Variants in SAP18 observed in about 807,000 individuals in gnomAD.
SAP18 encodes histone deacetylase complex subunit SAP18.
Under a neutral mutation model 18.6 loss-of-function variants are expected in SAP18, and 4 were observed. The observed-to-expected ratio is 0.21, with a 90% CI of 0.11 to 0.49. The LOEUF (loss-of-function observed/expected upper bound fraction) is 0.49, where lower values mean the gene tolerates loss of function less well. Among genes scored for constraint, SAP18 ranks in the 20% least tolerant of loss-of-function variants. The pLI, the probability that SAP18 is intolerant of heterozygous loss-of-function variation, is 0.98. For missense variants in SAP18, 170 were observed against 226.4 expected (o/e 0.75, Z 1.60); for synonymous variants, 112 against 82.8 (o/e 1.35, Z -1.92).
At chr13:21,149,063 A>G (rs562160301) in exon 4 of SAP18, 1 of 152,312 alleles carries the variant, frequency 6.6e-6, no homozygotes, top group Non-Finnish European at 1.5e-5. Flanking sequence ...AATAGAAATA[A>G]ATAAGTAGTC....
chr13:21,140,480 C>T (rs1391136229), upstream of SAP18: 1 of 1,481,070 alleles, frequency 6.8e-7, no homozygotes, highest in African/African-American at 1.4e-5. Context: ...TGCGCCTGCG[C>T]CAGGAGACGC....
intron 2 of SAP18, among the ~76,000 whole-genome samples, chr13:21,146,059 C>T (rs2137340151): frequency 6.6e-6 from 1 of 152,270 alleles, no homozygotes; most frequent in East Asian, 1.9e-4. Flanking sequence ...AGAAACACAT[C>T]TGGCTGGGCG....
intron 2 of SAP18, chr13:21,141,288 T>G: frequency 2.2e-6 from 1 of 444,984 alleles, no homozygotes. Flanking sequence ...GGTAGATAAA[T>G]ATGTTGTAGT....
rs188317473 is a variant in SAP18 at position 21,146,695 on chromosome 13, T to C, written c.240-110T>C. ...TCTAGTATAAGACCCTGGCAGTTTC[T>C]AATGTAAATCACAACTCAGATATAT... On this transcript the variant is annotated intron_variant, in intron 2 of 3. Coordinates refer to ENST00000621421, the Ensembl canonical transcript of SAP18. The C allele has an allele frequency of 1.9e-4, 162 of 855,494 alleles. 1 individual carries two copies. The African/African-American group carries it at 2.5e-3, about 13-fold the overall frequency. The allele number at this position is 855,494 out of a possible 1,614,324, so 53.0% of individuals were successfully genotyped here. A position where few individuals can be genotyped will look rare whatever the true frequency, so the allele number is the denominator to read the frequency against.
At chr13:21,146,782 T>C (rs1472565791) in intron 2 of SAP18, 23 bp from the exon 3 acceptor site, 3 of 1,561,432 alleles carry the variant, frequency 1.9e-6, no homozygotes, top group African/African-American at 2.8e-5. Flanking sequence ...CAAATGTAAA[T>C]GTCTTTTTTA....
At chr13:21,140,927 C>T (rs1379437039) in exon 2 of SAP18, 2 of 1,613,976 alleles carry the variant, frequency 1.2e-6, no homozygotes, top group East Asian at 4.5e-5. Flanking sequence ...CCAATAACGG[C>T]CGCCACCACC....
At chr13:21,148,694 CTG>C (rs899638000) in exon 4 of SAP18, 127 of 149,942 alleles carry the variant, frequency 8.5e-4, no homozygotes, top group African/African-American at 3.0e-3. Context: ...ATTAGATAGA[CTG>C]GAGCCATAAA....
At position 21,146,630 on chromosome 13, in the gene SAP18, T is replaced by C. The variant is rs1869659978; in HGVS notation, c.240-175T>C. The stretch of plus-strand genomic sequence containing the variant: ...GCAGTAAGGCTGGTACATGGAGTTT[T>C]TGGAGGCAAATAGTATTTTTAGCTG... On this transcript the variant is annotated intron_variant, in intron 2 of 3. Coordinates refer to ENST00000621421, the Ensembl canonical transcript of SAP18. 2.4e-5 allele frequency: 11 copies of C among 464,396 alleles called. No individual in the cohort carries two copies. The South Asian group carries it at 4.1e-4, about 17-fold the overall frequency. The allele number at this position is 464,396 out of a possible 1,614,324, so 28.8% of individuals were successfully genotyped here. A position where few individuals can be genotyped will look rare whatever the true frequency, so the allele number is the denominator to read the frequency against.
In SAP18 at chr13:21,140,888, A is replaced by G. The variant is rs754483393; in HGVS notation, c.132A>G (p.Thr44=). 1.1e-5 allele frequency: 17 copies of G among 1,612,770 alleles called. No individual in the cohort carries two copies. The East Asian group carries it at 3.6e-4, about 34-fold the overall frequency. ...CTTCCGTTTTCTCTCTCCCTCAGAC[A>G]TGCCCACTGTTGCTACGGGTCTTCA... Residue 44 remains threonine, a splice_region_variant and synonymous_variant, in exon 2 of 4, where the codon ACA becomes ACG. Transcript: ENST00000621421.
chr13:21,141,309 A>G (rs1869457554), intron 2 of SAP18: 2 of 383,988 alleles, frequency 5.2e-6, no homozygotes. Context: ...ATCTGCCCTA[A>G]AGGGACTCAT....
upstream of SAP18, among the ~76,000 whole-genome samples, chr13:21,140,291 G>A (rs1203128217): frequency 6.6e-6 from 1 of 152,160 alleles, no homozygotes; most frequent in African/African-American, 2.4e-5. Context: ...TCGTCATTAC[G>A]CATGAAAACG....
chr13:21,141,229 A>G (rs1869454781), intron 2 of SAP18: 1 of 561,974 alleles, frequency 1.8e-6, no homozygotes, highest in Non-Finnish European at 3.2e-6. Context: ...AAGAATGGAC[A>G]GACCCAAGAT....
intron 1 of SAP18, 81 bp downstream of exon 1, chr13:21,140,762 G>C: frequency 1.9e-6 from 3 of 1,592,298 alleles, no homozygotes; most frequent in Non-Finnish European, 2.6e-6. Context: ...CCTGTGTGCT[G>C]GAGGAGATGG....
chr13:21,142,191 G>T (rs1384728728), intron 2 of SAP18, among the ~76,000 whole-genome samples: 10 of 150,086 alleles, frequency 6.7e-5, no homozygotes, highest in Admixed American at 5.3e-4. Context: ...GGAGACTGAG[G>T]CAGGAGGATC....
intron 2 of SAP18, among the ~76,000 whole-genome samples, chr13:21,141,772 T>G (rs1440426607): frequency 6.6e-6 from 1 of 151,672 alleles, no homozygotes; most frequent in Non-Finnish European, 1.5e-5. Flanking sequence ...ATTCAATTGA[T>G]TCTTCTGACT....
At chr13:21,144,414 A>G (rs1869572419) in intron 2 of SAP18, among the ~76,000 whole-genome samples, 1 of 151,142 alleles carries the variant, frequency 6.6e-6, no homozygotes, top group African/African-American at 2.4e-5. Flanking sequence ...TCAAAAAAAA[A>G]AAAAAAAAAA....
chr13:21,140,464 C>A, upstream of SAP18: 2 of 1,428,198 alleles, frequency 1.4e-6, no homozygotes, highest in Middle Eastern at 2.5e-4. Flanking sequence ...TCACCACGCA[C>A]GGAAGTGCGC....
At chr13:21,140,555 G>A in exon 1 of SAP18, 7 of 1,589,954 alleles carry the variant, frequency 4.4e-6, no homozygotes, top group Admixed American at 1.8e-5. Flanking sequence ...TAGTGCTCAT[G>A]CTCGCTGCAG....
exon 4 of SAP18, chr13:21,147,243 C>G (rs773846636): frequency 6.2e-7 from 1 of 1,614,082 alleles, no homozygotes. Context: ...ATTCCATGAC[C>G]CTGCAGTCGC....
Sources: gnomAD v4.1 joint callset for allele counts (sites outside exome capture counted in the v4.1 genomes callset) on GRCh38, gnomAD v4.1.1 for gene constraint, MANE v1.5 for transcripts, NCBI Gene and HGNC (gene_info 2026-07-23, HGNC 2026-07-21) for gene names.